The following SLC16A12 variants were observed in gnomAD, a reference collection of about 807,000 sequenced individuals.
SLC16A12 encodes the protein monocarboxylate transporter 12.
SLC16A12 carries 17 observed loss-of-function variants against 42.4 expected under a neutral mutation model. That is an observed-to-expected ratio of 0.40 (90% CI 0.27 to 0.60). The LOEUF (loss-of-function observed/expected upper bound fraction) is 0.60. Among genes scored for constraint, SLC16A12 ranks in the 20% least tolerant of loss-of-function variants. The pLI, the probability that SLC16A12 is intolerant of heterozygous loss-of-function variation, is 0.42. For missense variants in SLC16A12, 544 were observed against 623.0 expected, an observed-to-expected ratio of 0.87 and a Z score of 1.35; for synonymous variants, 224 against 229.4, an observed-to-expected ratio of 0.98 and a Z score of 0.21.
chr10:89,449,964 C>T (rs1248938335), intron 3 of SLC16A12, among the ~76,000 whole-genome samples: 1 of 152,206 alleles, frequency 6.6e-6, no homozygotes, highest in African/African-American at 2.4e-5. Context: ...TGAAGAGACA[C>T]TTTTCAAAAG....
intron 2 of SLC16A12, among the ~76,000 whole-genome samples, chr10:89,472,226 C>T (rs1842506087): frequency 6.6e-6 from 1 of 151,906 alleles, no homozygotes; most frequent in African/African-American, 2.4e-5. Context: ...TTTACAGTAG[C>T]TTCAAAAAAT....
intron 6 of SLC16A12, among the ~76,000 whole-genome samples, chr10:89,438,316 C>T (rs565335782): frequency 6.6e-6 from 1 of 152,330 alleles, no homozygotes; most frequent in Admixed American, 6.5e-5. Flanking sequence ...AACGTAGCCA[C>T]TCTCTTTTGT....
intron 7 of SLC16A12, among the ~76,000 whole-genome samples, chr10:89,434,612 A>T (rs1841749432): frequency 6.6e-6 from 1 of 152,216 alleles, no homozygotes; most frequent in Non-Finnish European, 1.5e-5. Context: ...GGATTTGGAA[A>T]TAGCCTGAAA....
chr10:89,462,674 G>T (rs1481926712), intron 2 of SLC16A12, 50 bp from the exon 3 acceptor site: 16 of 1,477,088 alleles, frequency 1.1e-5, no homozygotes, highest in African/African-American at 1.4e-5. Flanking sequence ...ATGTCCAAAG[G>T]TTGATTTTTC....
intron 3 of SLC16A12, among the ~76,000 whole-genome samples, chr10:89,457,418 C>T (rs998766294): frequency 6.6e-6 from 1 of 152,084 alleles, no homozygotes; most frequent in Non-Finnish European, 1.5e-5. Flanking sequence ...CAAATCAAAA[C>T]CCCAATGAGA....
At chr10:89,540,556 C>T (rs989794457), upstream of SLC16A12, among the ~76,000 whole-genome samples, 22 of 152,302 alleles carry the variant, frequency 1.4e-4, no homozygotes, top group East Asian at 5.8e-4. Context: ...CTGCTGTCAA[C>T]GGCAGTGCGT....
intron 2 of SLC16A12, among the ~76,000 whole-genome samples, chr10:89,532,936 T>C (rs1355925528): frequency 6.6e-6 from 1 of 152,218 alleles, no homozygotes; most frequent in Non-Finnish European, 1.5e-5. Context: ...TCTCCAATAC[T>C]AACATGGTAC....
At position 89,444,507 on chromosome 10, in the gene SLC16A12, T is replaced by C. The variant is rs560148780; in HGVS notation, c.201-648A>G. Among the ~76,000 whole-genome samples the C allele has an allele frequency of 2.6e-5, 4 of 152,308 alleles. No individual in the cohort carries two copies. The East Asian group carries it at 5.8e-4, about 22-fold the overall frequency. On this transcript the variant is annotated intron_variant, in intron 3 of 7. Coordinates refer to ENST00000371790, the MANE Select transcript of SLC16A12 (RefSeq NM_213606.4). The stretch of plus-strand genomic sequence containing the variant: ...AAATAGTAAGTCTTAAAAATGATGA[T>C]GTTGATCTGTATATATTGATTTGGA...
intron 2 of SLC16A12, among the ~76,000 whole-genome samples, chr10:89,519,347 A>G (rs1444949898): frequency 1.3e-5 from 2 of 152,180 alleles, no homozygotes; most frequent in East Asian, 3.8e-4. Context: ...AAACCTGCAC[A>G]TGTATCCCCT....
At chr10:89,458,295 T>C (rs550254545) in intron 3 of SLC16A12, among the ~76,000 whole-genome samples, 3 of 152,302 alleles carry the variant, frequency 2.0e-5, no homozygotes, top group African/African-American at 7.2e-5. Flanking sequence ...ACTGGTCAAG[T>C]GATAACACAA....
At chr10:89,459,316 T>TAAA (rs111833100) in intron 3 of SLC16A12, among the ~76,000 whole-genome samples, 10 of 148,918 alleles carry the variant, frequency 6.7e-5, no homozygotes, top group African/African-American at 2.0e-4. Context: ...GCAGTTTTTT[T>TAAA]AAAAAAAAAA....
chr10:89,436,917 A>AGAAG (rs1020128145), intron 6 of SLC16A12, among the ~76,000 whole-genome samples: 7 of 151,926 alleles, frequency 4.6e-5, no homozygotes, highest in Admixed American at 2.6e-4. Context: ...AGAAAGAAAA[A>AGAAG]GAAAGAGTGC....
intron 2 of SLC16A12, among the ~76,000 whole-genome samples, chr10:89,489,954 C>T (rs754893419): frequency 2.6e-5 from 4 of 152,114 alleles, no homozygotes; most frequent in Non-Finnish European, 5.9e-5. Context: ...ACAAACTGAA[C>T]AATGTATTTC....
In SLC16A12 at chr10:89,438,605, T is replaced by G. The variant is rs1841843992; in HGVS notation, c.1027A>C (p.Arg343=). The change falls in exon 6 of 8, where the codon AGG becomes CGG. Residue 343 remains arginine, a splice_region_variant and synonymous_variant. Transcript: ENST00000371790. ...CAATTGTGGTTTCATGAATTTTACCTTCTGTCGGTCAGCCATCCAAATGTG... is the reference window on the plus strand; with the variant it reads ...CAATTGTGGTTTCATGAATTTTACCGTCTGTCGGTCAGCCATCCAAATGTG... The part of the protein sequence containing the change: ...NITFGWLTDR[R]CLKNYQYVCY... 6.2e-7 allele frequency: 1 copy of G among 1,613,400 alleles called. No homozygotes were observed. The highest frequency in any genetic ancestry group is 1.3e-5 in the African/African-American group (1 of 74,898).
At position 89,431,003 on chromosome 10, in the gene SLC16A12, A is replaced by AT. The variant is rs34798090; in HGVS notation, c.*2060dup. On this transcript the variant is annotated 3_prime_UTR_variant, in exon 8 of 8. Coordinates refer to ENST00000371790, the MANE Select transcript of SLC16A12 (RefSeq NM_213606.4). ...TTTGACATTTTACAGATACCTTCCAATTTTTTTTTTTTGAGATGGAGTCTT... is the reference window on the plus strand; with the variant it reads ...TTTGACATTTTACAGATACCTTCCAATTTTTTTTTTTTTGAGATGGAGTCTT... The AT allele has an allele frequency of 0.015, 3,785 of 252,448 alleles. No homozygotes were observed. Among genetic ancestry groups the AT allele is most frequent in the South Asian group, 0.025 (602 of 24,386 alleles). 15.6% of individuals were successfully genotyped at this position (252,448 alleles called of 1,614,324 possible). A position where few individuals can be genotyped will look rare whatever the true frequency, so the allele number is the denominator to read the frequency against.
At chr10:89,553,016 G>A (rs1843780723) in intron 2 of SLC16A12, among the ~76,000 whole-genome samples, 1 of 152,196 alleles carries the variant, frequency 6.6e-6, no homozygotes, top group African/African-American at 2.4e-5. Flanking sequence ...GGGAGGCTGA[G>A]GTGGGTGGAT....
At chr10:89,487,211 G>C (rs1842769432) in intron 2 of SLC16A12, among the ~76,000 whole-genome samples, 1 of 152,096 alleles carries the variant, frequency 6.6e-6, no homozygotes, top group Non-Finnish European at 1.5e-5. Context: ...CATTAATTGG[G>C]TGTTTAAAGG....
rs1447692380 is a variant in SLC16A12, at chr10:89,486,610, AG to A, written c.-46-23987del. 4.1e-3 allele frequency among the ~76,000 whole-genome samples: 280 copies of A among 68,550 alleles called. 10 individuals are homozygous for A. The highest frequency in any genetic ancestry group is 0.031 in the Admixed American group (252 of 8,022). 45.0% of individuals were successfully genotyped at this position (68,550 alleles called of 152,430 possible). A position where few individuals can be genotyped will look rare whatever the true frequency, so the allele number is the denominator to read the frequency against. ...TTGTCTCAAAAAAAAAAAAAAAGAA[AG>A]AAAGAAAGAAAGAAAGAAAGAAAGA... On this transcript the variant is annotated intron_variant, in intron 2 of 7. Transcript: ENST00000371790.
chr10:89,482,941 A>G (rs1251057861), intron 2 of SLC16A12, among the ~76,000 whole-genome samples: 1 of 152,214 alleles, frequency 6.6e-6, no homozygotes, highest in Non-Finnish European at 1.5e-5. Context: ...CAGGTGTGAC[A>G]TGAATCTGTA....
Sources: allele counts gnomAD v4.1 joint callset (sites outside exome capture counted in the v4.1 genomes callset), GRCh38; gene constraint gnomAD v4.1.1; transcripts MANE v1.5; gene names NCBI Gene and HGNC (gene_info 2026-07-23, HGNC 2026-07-21).